DPF3: variants seen among roughly 807,000 people sequenced by gnomAD.
DPF3 encodes the protein double PHD fingers 3, also known as zinc finger protein DPF3.
Under a neutral mutation model 56.8 loss-of-function variants are expected in DPF3, and 18 were observed. That is an observed-to-expected ratio of 0.32 (90% CI 0.22 to 0.47). DPF3 has a LOEUF of 0.47. Among genes scored for constraint, DPF3 ranks in the 20% least tolerant of loss-of-function variants. The pLI is 1.00. For missense variants in DPF3, 403 were observed against 488.8 expected, an observed-to-expected ratio of 0.82 and a Z score of 1.65; for synonymous variants, 188 against 180.2, an observed-to-expected ratio of 1.04 and a Z score of -0.35.
intron 1 of DPF3, among the ~76,000 whole-genome samples, chr14:72,844,838 T>G (rs1884685391): frequency 6.6e-6 from 1 of 152,180 alleles, no homozygotes; most frequent in Non-Finnish European, 1.5e-5. Flanking sequence ...GAATCCTCCA[T>G]GGAACCAGGT....
chr14:72,849,071 G>A (rs1440807973), intron 1 of DPF3, among the ~76,000 whole-genome samples: 1 of 152,190 alleles, frequency 6.6e-6, no homozygotes, highest in East Asian at 1.9e-4. Context: ...TGCCCTAGCT[G>A]CATGGCTCGT....
In DPF3 at chr14:72,714,536, C is replaced by T. The variant is rs1262017932; in HGVS notation, c.526-35G>A. 5 of 1,611,360 alleles carry T rather than the reference C, an allele frequency of 3.1e-6. No homozygotes were observed. The Admixed American group carries it at 6.7e-5, about 22-fold the overall frequency. On this transcript the variant is annotated intron_variant, in intron 5 of 10. Transcript: ENST00000556509. ...CATTGGGGTACAGGATGCTTGTTAC[C>T]ATGGTCATCACTACAGCTCCGGAGC...
intron 8 of DPF3, among the ~76,000 whole-genome samples, chr14:72,631,428 C>G (rs1885163094): frequency 6.6e-6 from 1 of 152,224 alleles, no homozygotes; most frequent in South Asian, 2.1e-4. Context: ...ACTCCCTATT[C>G]CAGTCTCTCA....
rs189955028 is a variant in DPF3 at position 72,688,993 on chromosome 14, G to A, written c.742+4083C>T. Among the ~76,000 whole-genome samples the A allele has an allele frequency of 5.2e-3, 795 of 152,256 alleles. 23 individuals carry two copies. Among genetic ancestry groups the A allele is most frequent in the Admixed American group, 0.049 (742 of 15,294 alleles). On this transcript the variant is annotated intron_variant, in intron 7 of 10. Transcript: ENST00000556509. ...GGAAACACAAGAAATGTATACTCAG[G>A]AGAAAATGAGAGACTGAGGGAGAAA... is the stretch of plus-strand genomic sequence containing the variant.
At position 72,618,584 on chromosome 14, in the gene DPF3, C is replaced by T; in HGVS notation, c.*713G>A. Among the ~76,000 whole-genome samples the T allele has an allele frequency of 6.6e-6, 1 of 152,198 alleles. No individual in the cohort carries two copies. Among genetic ancestry groups the T allele is most frequent in the East Asian group, 1.9e-4 (1 of 5,188 alleles). Reference sequence around the variant, plus strand: ...CCGATGGATAACAAGTACTGACTGGCTATGGCGGGGCCTTGGCACCATTTC... The same window carrying T: ...CCGATGGATAACAAGTACTGACTGGTTATGGCGGGGCCTTGGCACCATTTC... On this transcript the variant is annotated 3_prime_UTR_variant, in exon 11 of 11. Coordinates refer to ENST00000556509, the MANE Select transcript of DPF3 (RefSeq NM_001280542.3).
At chr14:72,764,349 A>G (rs1406745617) in intron 2 of DPF3, among the ~76,000 whole-genome samples, 1 of 152,066 alleles carries the variant, frequency 6.6e-6, no homozygotes, top group Non-Finnish European at 1.5e-5. Flanking sequence ...AGGGTGGCTC[A>G]CCTGGAGAAG....
At chr14:72,801,370 T>C (rs528826265) in intron 1 of DPF3, among the ~76,000 whole-genome samples, 45 of 152,044 alleles carry the variant, frequency 3.0e-4, no homozygotes, top group Non-Finnish European at 6.2e-4. Context: ...AATAAAAACA[T>C]AGCAGCAATA....
chr14:72,734,720 A>G (rs192856976), intron 3 of DPF3, among the ~76,000 whole-genome samples: 7 of 152,192 alleles, frequency 4.6e-5, no homozygotes, highest in Admixed American at 1.3e-4. Flanking sequence ...GACCCTGAAA[A>G]GTTAAGTAAC....
intron 1 of DPF3, among the ~76,000 whole-genome samples, chr14:72,890,023 T>A (rs1338649978): frequency 6.6e-6 from 1 of 152,214 alleles, no homozygotes; most frequent in Non-Finnish European, 1.5e-5. Flanking sequence ...GCAATTATAA[T>A]AATAGACATA....
intron 1 of DPF3, among the ~76,000 whole-genome samples, chr14:72,793,805 G>A (rs1214466585): frequency 2.6e-5 from 4 of 152,196 alleles, no homozygotes; most frequent in African/African-American, 9.6e-5. Context: ...CCAGATGTGG[G>A]AGCCTAATAA....
At chr14:72,766,590 T>G (rs1891298060) in intron 2 of DPF3, among the ~76,000 whole-genome samples, 1 of 152,194 alleles carries the variant, frequency 6.6e-6, no homozygotes, top group South Asian at 2.1e-4. Context: ...TAGCTGGGAC[T>G]ACAGGCACGC....
At chr14:72,796,780 G>A (rs766479672) in intron 1 of DPF3, among the ~76,000 whole-genome samples, 2 of 152,138 alleles carry the variant, frequency 1.3e-5, no homozygotes, top group East Asian at 1.9e-4. Context: ...TACCCTGTGA[G>A]TGGTAAATGC....
At chr14:72,797,374 G>A (rs917801815) in intron 1 of DPF3, among the ~76,000 whole-genome samples, 1 of 152,210 alleles carries the variant, frequency 6.6e-6, no homozygotes, top group Admixed American at 6.5e-5. Flanking sequence ...GCTATTTGAA[G>A]CCATTAAGCT....
intron 8 of DPF3, among the ~76,000 whole-genome samples, chr14:72,648,106 G>T (rs1250927972): frequency 6.6e-6 from 1 of 152,194 alleles, no homozygotes; most frequent in Non-Finnish European, 1.5e-5. Flanking sequence ...CCACTGTGCT[G>T]AGCAGTCGTG....
At chr14:72,714,366 G>C (rs1046673020) in intron 6 of DPF3, 57 bp downstream of exon 6, 2 of 1,599,536 alleles carry the variant, frequency 1.3e-6, no homozygotes, top group Non-Finnish European at 1.7e-6. Flanking sequence ...ACAGGGAAGA[G>C]GGGCCCTGGG....
chr14:72,879,408 A>G (rs944467856), intron 1 of DPF3, among the ~76,000 whole-genome samples: 2 of 151,464 alleles, frequency 1.3e-5, no homozygotes, highest in Non-Finnish European at 2.9e-5. Context: ...AAAGAAAGGC[A>G]TATGTGGCTA....
At chr14:72,724,711 G>GTTTT (rs3058941) in intron 4 of DPF3, among the ~76,000 whole-genome samples, 3 of 142,310 alleles carry the variant, frequency 2.1e-5, no homozygotes, top group African/African-American at 2.6e-5. Context: ...GTTTTTGTTT[G>GTTTT]TTTTTTTTTT....
At chr14:72,755,298 G>A (rs574681099) in intron 2 of DPF3, among the ~76,000 whole-genome samples, 1 of 152,338 alleles carries the variant, frequency 6.6e-6, no homozygotes, top group African/African-American at 2.4e-5. Context: ...CACTGTGCTT[G>A]GTGGTCAGCG....
At position 72,836,534 on chromosome 14, in the gene DPF3, C is replaced by T. The variant is rs1028676209; in HGVS notation, c.32+57523G>A. 5.1e-6 allele frequency: 5 copies of T among 984,252 alleles called. No individual in the cohort carries two copies. The East Asian group carries it at 3.4e-4, about 67-fold the overall frequency. 61.0% of individuals were successfully genotyped at this position (984,252 alleles called of 1,614,324 possible). ...CCACCTCGTGGGGAGATTATGATTG[C>T]CCTGTGGTTGCCATGCCTACTGTGA... On this transcript the variant is annotated intron_variant, in intron 1 of 10. Coordinates refer to ENST00000556509, the MANE Select transcript of DPF3 (RefSeq NM_001280542.3).
Sources: allele counts gnomAD v4.1 joint callset (sites outside exome capture counted in the v4.1 genomes callset), GRCh38; gene constraint gnomAD v4.1.1; transcripts MANE v1.5; gene names NCBI Gene and HGNC (gene_info 2026-07-23, HGNC 2026-07-21).